The following PCDH7 variants were observed in gnomAD, a reference collection of about 807,000 sequenced individuals.
PCDH7 encodes protocadherin-7.
A neutral mutation model predicts 58.9 loss-of-function variants in PCDH7; 17 were observed. That is an observed-to-expected ratio of 0.29 (90% confidence interval 0.20 to 0.43). The LOEUF is 0.43. PCDH7 is among the 20% of genes least tolerant of loss of function. The probability of loss-of-function intolerance (pLI) is 1.00; values close to 1 mark genes in which losing one functional copy is unlikely to be tolerated. For synonymous variants in PCDH7, 664 were observed against 616.4 expected (o/e 1.08, Z -1.14); for missense variants, 1,274 against 1,441.0 (o/e 0.88, Z 1.88).
At chr4:30,882,944 C>T (rs1344846235) in intron 1 of PCDH7, among the ~76,000 whole-genome samples, 1 of 152,198 alleles carries the variant, frequency 6.6e-6, no homozygotes, top group Non-Finnish European at 1.5e-5. Context: ...ATTGACCCAG[C>T]CACATAATAA....
At chr4:31,124,446 C>G (rs964270870) in intron 3 of PCDH7, among the ~76,000 whole-genome samples, 3 of 152,180 alleles carry the variant, frequency 2.0e-5, no homozygotes, top group African/African-American at 7.2e-5. Context: ...ATTGATTTCT[C>G]TAAATCACAA....
At chr4:30,903,901 CTATTTTGAT>C (rs1740553886) in intron 1 of PCDH7, among the ~76,000 whole-genome samples, 1 of 152,006 alleles carries the variant, frequency 6.6e-6, no homozygotes. Context: ...ACTATAAAGA[CTATTTTGAT>C]GATTTTACAC....
intron 1 of PCDH7, among the ~76,000 whole-genome samples, chr4:30,872,781 G>A (rs1480989517): frequency 2.0e-5 from 3 of 152,036 alleles, no homozygotes; most frequent in African/African-American, 7.2e-5. Flanking sequence ...TCCTTCTGAT[G>A]TTTGATCTTG....
At position 30,738,413 on chromosome 4, in the gene PCDH7, C is replaced by A. The variant is rs550168975; in HGVS notation, c.70+13817C>A. Among the ~76,000 whole-genome samples, 124 of 150,926 alleles carry A rather than the reference C, an allele frequency of 8.2e-4. 1 individual carries two copies. The highest frequency in any genetic ancestry group is 2.9e-3 in the African/African-American group (118 of 41,166). On this transcript the variant is annotated intron_variant, in intron 1 of 3. Transcript: ENST00000509759. Reference sequence around the variant, plus strand: ...CTTAAATTGAAAAAAAAAAAAGGTACAATTACTATCGTTTTTGTGAAAAAT... The same window carrying A: ...CTTAAATTGAAAAAAAAAAAAGGTAAAATTACTATCGTTTTTGTGAAAAAT...
intron 1 of PCDH7, among the ~76,000 whole-genome samples, chr4:30,779,230 GC>G (rs1722481207): frequency 6.6e-6 from 1 of 151,598 alleles, no homozygotes; most frequent in Non-Finnish European, 1.5e-5. Context: ...TTGCCATGTT[GC>G]CCAGGCTGGT....
At chr4:31,057,225 A>T (rs1221870445) in intron 3 of PCDH7, among the ~76,000 whole-genome samples, 1 of 152,186 alleles carries the variant, frequency 6.6e-6, no homozygotes, top group Non-Finnish European at 1.5e-5. Flanking sequence ...TTCTACACCT[A>T]GCAGAAATTG....
intron 1 of PCDH7, among the ~76,000 whole-genome samples, chr4:30,888,176 C>T (rs1201728781): frequency 6.6e-6 from 1 of 152,030 alleles, no homozygotes; most frequent in African/African-American, 2.4e-5. Context: ...GCCCAGCCGG[C>T]CCATTTCTTT....
At chr4:31,078,003 G>C (rs181073204) in intron 3 of PCDH7, among the ~76,000 whole-genome samples, 230 of 152,216 alleles carry the variant, frequency 1.5e-3, no homozygotes, top group African/African-American at 5.3e-3. Context: ...CTCAGGATTC[G>C]ATGTGAGCCA....
chr4:31,047,061 C>T (rs1756348050), intron 3 of PCDH7, among the ~76,000 whole-genome samples: 1 of 151,898 alleles, frequency 6.6e-6, no homozygotes, highest in South Asian at 2.1e-4. Flanking sequence ...TTTTAATATT[C>T]TCAAGTTCAC....
chr4:30,875,861 A>C (rs976533189), intron 1 of PCDH7, among the ~76,000 whole-genome samples: 5 of 152,110 alleles, frequency 3.3e-5, no homozygotes, highest in African/African-American at 1.2e-4. Context: ...TGTTGGCTCG[A>C]CATTAGGCTA....
chr4:30,828,510 G>A (rs1475653732), intron 1 of PCDH7, among the ~76,000 whole-genome samples: 1 of 151,688 alleles, frequency 6.6e-6, no homozygotes, highest in African/African-American at 2.4e-5. Flanking sequence ...TTAAGAGGCA[G>A]TTTCCCCCAT....
At position 30,973,741 on chromosome 4, in the gene PCDH7, G is replaced by A. The variant is rs144851903; in HGVS notation, c.*7+23526G>A. 1.7e-3 allele frequency among the ~76,000 whole-genome samples: 254 copies of A among 151,816 alleles called. 2 individuals carry two copies. Among genetic ancestry groups the A allele is most frequent in the African/African-American group, 5.9e-3 (243 of 41,406 alleles). ...TTCTTACGTTAGTTCAGATTCCACT[G>A]TATCCAATATGTGCTTGAGAGTGAA... On this transcript the variant is annotated intron_variant, in intron 3 of 3. Coordinates refer to the PCDH7 transcript ENST00000509759.
chr4:31,069,651 A>G (rs1250302215), intron 3 of PCDH7, among the ~76,000 whole-genome samples: 3 of 151,956 alleles, frequency 2.0e-5, no homozygotes, highest in African/African-American at 7.2e-5. Context: ...AGTTTGATGG[A>G]ATTATACCAA....
intron 3 of PCDH7, among the ~76,000 whole-genome samples, chr4:31,100,892 A>T (rs1012351862): frequency 2.6e-5 from 4 of 152,166 alleles, no homozygotes; most frequent in Admixed American, 2.6e-4. Context: ...CTGGAGAAAA[A>T]TTGTTAATTT....
At chr4:30,876,446 A>G (rs543982303) in intron 1 of PCDH7, among the ~76,000 whole-genome samples, 1 of 152,272 alleles carries the variant, frequency 6.6e-6, no homozygotes, top group African/African-American at 2.4e-5. Flanking sequence ...TGATATTGGT[A>G]GTAAAAAACA....
chr4:30,955,826 G>A (rs1489963370), intron 3 of PCDH7, among the ~76,000 whole-genome samples: 2 of 151,910 alleles, frequency 1.3e-5, no homozygotes, highest in Admixed American at 1.3e-4. Context: ...TGGGATTACA[G>A]GCATAAGCCA....
rs183948431 is a variant in PCDH7 at position 30,741,041 on chromosome 4, G to A, written c.70+16445G>A. Among the ~76,000 whole-genome samples the A allele has an allele frequency of 2.7e-3, 408 of 151,678 alleles. 4 individuals are homozygous for A. Among genetic ancestry groups the A allele is most frequent in the African/African-American group, 8.4e-3 (348 of 41,352 alleles). On this transcript the variant is annotated intron_variant, in intron 1 of 3. Transcript: ENST00000509759. Reference sequence around the variant, plus strand: ...GTGTGGATGATGCTTTTCATTGTAGGATTTTTTTTCAACTGAGATATCTCA... The same window carrying A: ...GTGTGGATGATGCTTTTCATTGTAGAATTTTTTTTCAACTGAGATATCTCA...
chr4:30,781,429 C>T (rs1452875686), intron 1 of PCDH7, among the ~76,000 whole-genome samples: 2 of 151,950 alleles, frequency 1.3e-5, no homozygotes, highest in African/African-American at 2.4e-5. Context: ...CATGAGCCAC[C>T]GCACCCGGCC....
At chr4:30,863,919 G>A (rs1734532627) in intron 1 of PCDH7, among the ~76,000 whole-genome samples, 1 of 152,130 alleles carries the variant, frequency 6.6e-6, no homozygotes, top group Non-Finnish European at 1.5e-5. Flanking sequence ...CTGTAACTCA[G>A]ACATATGCTG....
Sources: gnomAD v4.1 joint callset for allele counts (sites outside exome capture counted in the v4.1 genomes callset) on GRCh38, gnomAD v4.1.1 for gene constraint, MANE v1.5 for transcripts, NCBI Gene and HGNC (gene_info 2026-07-23, HGNC 2026-07-21) for gene names.